CNGB3: variants seen among roughly 807,000 people sequenced by gnomAD.
CNGB3 encodes the protein cyclic nucleotide-gated channel beta-3.
Under a neutral mutation model 92.8 loss-of-function variants are expected in CNGB3, and 86 were observed. The ratio of observed to expected loss-of-function variants is 0.93; its 90% CI spans 0.78 to 1.11. The LOEUF (loss-of-function observed/expected upper bound fraction) is 1.11. CNGB3 is among the 50% of genes least tolerant of loss of function. The pLI is 0.00. For missense variants in CNGB3, 1,026 were observed against 956.8 expected (o/e 1.07, Z -0.95); for synonymous variants, 333 against 332.7 (o/e 1.00, Z -0.01).
intron 13 of CNGB3, among the ~76,000 whole-genome samples, chr8:86,624,137 GA>G (rs1822796694): frequency 6.6e-6 from 1 of 152,230 alleles, no homozygotes; most frequent in Non-Finnish European, 1.5e-5. Context: ...GTCTATAGAT[GA>G]CTGGGCGCAG....
intron 15 of CNGB3, among the ~76,000 whole-genome samples, chr8:86,601,508 A>G (rs1437284325): frequency 6.6e-6 from 1 of 151,954 alleles, no homozygotes; most frequent in East Asian, 1.9e-4. Flanking sequence ...AAAGCCCTTA[A>G]TGTTTTTCTT....
intron 6 of CNGB3, chr8:86,659,495 G>T (rs1050555909): frequency 1.6e-6 from 1 of 606,472 alleles, no homozygotes; most frequent in Admixed American, 2.4e-5. Flanking sequence ...GAGTTCTGTG[G>T]CTTCAGATCC....
At chr8:86,636,572 CAAAAAAAAAAAAAAAAA>C (rs57907634) in intron 10 of CNGB3, among the ~76,000 whole-genome samples, 1 of 40,092 alleles carries the variant, frequency 2.5e-5, no homozygotes, top group African/African-American at 1.1e-4. Context: ...GACCCTGTCT[CAAAAAAAAAAAAAAAAA>C]AAAAAAAAAA....
intron 15 of CNGB3, 84 bp from the exon 16 acceptor site, chr8:86,579,336 A>G: frequency 6.8e-7 from 1 of 1,468,032 alleles, no homozygotes. Flanking sequence ...AACTATTATA[A>G]GTATTTATAC....
intron 15 of CNGB3, among the ~76,000 whole-genome samples, chr8:86,593,251 T>C (rs139470501): frequency 3.3e-5 from 5 of 152,326 alleles, no homozygotes; most frequent in African/African-American, 1.2e-4. Context: ...GTATAACTTC[T>C]AAGGAAGGAA....
chr8:86,635,847 TATATATATATATATATACAC>T (rs1278831217), intron 10 of CNGB3, among the ~76,000 whole-genome samples: 1 of 73,398 alleles, frequency 1.4e-5, no homozygotes, highest in African/African-American at 7.1e-5. Flanking sequence ...TATATATATA[TATATATATATATATATACAC>T]ATACACATAT....
At chr8:86,701,634 T>G (rs1178619239) in intron 3 of CNGB3, among the ~76,000 whole-genome samples, 1 of 152,206 alleles carries the variant, frequency 6.6e-6, no homozygotes. Flanking sequence ...ATTTTTAAAA[T>G]TCTTTCCCAG....
At chr8:86,601,839 C>A (rs1461944518) in intron 15 of CNGB3, among the ~76,000 whole-genome samples, 1 of 152,150 alleles carries the variant, frequency 6.6e-6, no homozygotes, top group Non-Finnish European at 1.5e-5. Flanking sequence ...AACTACTGAG[C>A]AAGTTTAAAG....
chr8:86,631,096 C>T (rs1320025317), intron 11 of CNGB3, among the ~76,000 whole-genome samples: 1 of 152,170 alleles, frequency 6.6e-6, no homozygotes, highest in Non-Finnish European at 1.5e-5. Context: ...ACTTGATATT[C>T]CTTCTTGTTC....
At chr8:86,663,801 A>T (rs1015282938) in intron 6 of CNGB3, among the ~76,000 whole-genome samples, 12 of 152,228 alleles carry the variant, frequency 7.9e-5, no homozygotes, top group African/African-American at 2.9e-4. Flanking sequence ...GAACAAACAA[A>T]GCAATTATTT....
chr8:86,578,154 C>T (rs1247688771), intron 17 of CNGB3, among the ~76,000 whole-genome samples: 1 of 152,070 alleles, frequency 6.6e-6, no homozygotes, highest in Admixed American at 6.6e-5. Flanking sequence ...CGTGATCCGC[C>T]CGCCTTGGTC....
At chr8:86,723,117 G>T (rs556055802) in intron 3 of CNGB3, among the ~76,000 whole-genome samples, 18 of 151,974 alleles carry the variant, frequency 1.2e-4, no homozygotes, top group Non-Finnish European at 2.5e-4. Flanking sequence ...GAAACTAAGG[G>T]TGTAATCAAT....
chr8:86,622,014 A>G (rs960245619), intron 13 of CNGB3, among the ~76,000 whole-genome samples: 1 of 152,172 alleles, frequency 6.6e-6, no homozygotes, highest in African/African-American at 2.4e-5. Flanking sequence ...CCACTGCACT[A>G]CAGCCTGGGT....
intron 15 of CNGB3, among the ~76,000 whole-genome samples, chr8:86,585,771 G>A (rs1821878558): frequency 6.6e-6 from 1 of 152,062 alleles, no homozygotes; most frequent in Admixed American, 6.6e-5. Context: ...TCATATTCTT[G>A]CGATAGACAC....
chr8:86,667,061 C>T lies in CNGB3; in HGVS notation c.716G>A (p.Arg239His), dbSNP rs759029829. ...TGCGGTTTGATATGGGAAGACGAGGCGCAGTGGTATAAAACAGCAGTTCCA... is the reference window on the plus strand; with the variant it reads ...TGCGGTTTGATATGGGAAGACGAGGTGCAGTGGTATAAAACAGCAGTTCCA... ...YNWNCCFIPL[R>H]LVFPYQTADN... Residue 239 changes from arginine to histidine, a missense_variant, in exon 6 of 18, where the codon CGC (arginine) becomes CAC (histidine). By Grantham distance (29) the Arg-to-His change is conservative (BLOSUM62 0). Transcript: ENST00000320005. 25 of 1,613,904 alleles carry T rather than the reference C, an allele frequency of 1.5e-5. No homozygotes were observed. The highest frequency in any genetic ancestry group is 3.3e-4 in the Middle Eastern group (2 of 6,076).
At chr8:86,629,853 T>G (rs143276311) in intron 11 of CNGB3, among the ~76,000 whole-genome samples, 253 of 152,272 alleles carry the variant, frequency 1.7e-3, no homozygotes, top group East Asian at 7.2e-3. Flanking sequence ...AAAAGATATA[T>G]AGCTCGACTC....
chr8:86,586,832 A>T (rs1271488235), intron 15 of CNGB3, among the ~76,000 whole-genome samples: 1 of 138,456 alleles, frequency 7.2e-6, no homozygotes, highest in African/African-American at 3.0e-5. Flanking sequence ...CATGATTTAT[A>T]GTCCTTTGGG....
intron 2 of CNGB3, among the ~76,000 whole-genome samples, chr8:86,729,362 A>G (rs1471870634): frequency 6.6e-6 from 1 of 152,186 alleles, no homozygotes; most frequent in Non-Finnish European, 1.5e-5. Context: ...TCCATTCCTA[A>G]TAAGAATTTT....
At chr8:86,696,804 G>A (rs188474186) in intron 3 of CNGB3, among the ~76,000 whole-genome samples, 24 of 152,116 alleles carry the variant, frequency 1.6e-4, no homozygotes, top group Admixed American at 5.9e-4. Flanking sequence ...TTCAGTCTCT[G>A]TGTGTCTTTA....
Sources: gnomAD v4.1 joint callset for allele counts (sites outside exome capture counted in the v4.1 genomes callset) on GRCh38, gnomAD v4.1.1 for gene constraint, MANE v1.5 for transcripts, NCBI Gene and HGNC (gene_info 2026-07-23, HGNC 2026-07-21) for gene names.